Variants in RASGRF2 observed in about 807,000 individuals in gnomAD.
RASGRF2 encodes the protein ras-specific guanine nucleotide-releasing factor 2.
A neutral mutation model predicts 151.0 loss-of-function variants in RASGRF2; 76 were observed. The observed-to-expected ratio is 0.50, with a 90% CI of 0.42 to 0.61. RASGRF2 has a LOEUF of 0.61. RASGRF2 is among the 20% of genes least tolerant of loss of function. The pLI, the probability that RASGRF2 is intolerant of heterozygous loss-of-function variation, is 0.00. For missense variants in RASGRF2, 1,148 were observed against 1,564.6 expected, an observed-to-expected ratio of 0.73 and a Z score of 4.49; for synonymous variants, 504 against 566.5, an observed-to-expected ratio of 0.89 and a Z score of 1.57.
intron 1 of RASGRF2, among the ~76,000 whole-genome samples, chr5:81,020,710 G>A (rs1365026241): frequency 2.0e-5 from 3 of 152,202 alleles, no homozygotes; most frequent in African/African-American, 7.2e-5. Context: ...TCAGTGACAT[G>A]AGTCAGAAAG....
intron 2 of RASGRF2, among the ~76,000 whole-genome samples, chr5:81,047,877 A>C (rs186382399): frequency 6.7e-4 from 102 of 152,296 alleles, no homozygotes; most frequent in African/African-American, 2.1e-3. Flanking sequence ...TCTCCCTTAA[A>C]ATACACACAC....
At chr5:80,975,830 A>C (rs1458288137) in intron 1 of RASGRF2, among the ~76,000 whole-genome samples, 1 of 151,346 alleles carries the variant, frequency 6.6e-6, no homozygotes, top group Non-Finnish European at 1.5e-5. Flanking sequence ...TTAGTTGATG[A>C]ACATTTAATT....
rs142794012 is a variant in RASGRF2, at chr5:81,105,028, C to A, written c.1756-3968C>A. Among the ~76,000 whole-genome samples the A allele has an allele frequency of 7.5e-4, 114 of 152,258 alleles. 1 individual carries two copies. Among genetic ancestry groups the A allele is most frequent in the African/African-American group, 2.6e-3 (108 of 41,526 alleles). ...GGCAGATTGGTCTTGAGACCCCCTT[C>A]CTCTTGGTTCCCTCTTTCAAAAAGC... On this transcript the variant is annotated intron_variant, in intron 12 of 26. Transcript: ENST00000265080.
At chr5:81,025,404 G>C (rs1749984334) in intron 1 of RASGRF2, among the ~76,000 whole-genome samples, 1 of 152,206 alleles carries the variant, frequency 6.6e-6, no homozygotes, top group Admixed American at 6.5e-5. Context: ...CCTCACACTA[G>C]CTTGAGGCCG....
chr5:81,207,901 G>A (rs1246727367), intron 21 of RASGRF2, among the ~76,000 whole-genome samples: 2 of 152,236 alleles, frequency 1.3e-5, no homozygotes, highest in Non-Finnish European at 2.9e-5. Context: ...AGAATGGCAG[G>A]CAGCGCAGAG....
At chr5:81,105,443 G>A (rs1752820696) in intron 12 of RASGRF2, among the ~76,000 whole-genome samples, 1 of 152,156 alleles carries the variant, frequency 6.6e-6, no homozygotes, top group Non-Finnish European at 1.5e-5. Context: ...TAAACAGTGT[G>A]GTTGTCTCTG....
At chr5:80,985,411 C>T (rs17665414) in intron 1 of RASGRF2, among the ~76,000 whole-genome samples, 30,162 of 152,030 alleles carry the variant, frequency 0.2, 3,767 homozygotes, top group Middle Eastern at 0.4. Context: ...AATTGATATA[C>T]GATGTAGCTA....
intron 1 of RASGRF2, among the ~76,000 whole-genome samples, chr5:81,005,518 A>G (rs956205893): frequency 6.6e-6 from 1 of 152,140 alleles, no homozygotes; most frequent in Non-Finnish European, 1.5e-5. Flanking sequence ...GCACAGCCAA[A>G]CCATATCAGT....
chr5:81,181,235 A>G (rs922293963), intron 18 of RASGRF2, among the ~76,000 whole-genome samples: 4 of 152,268 alleles, frequency 2.6e-5, no homozygotes, highest in South Asian at 2.1e-4. Context: ...AGCCCATCAC[A>G]TGTCTGCTGC....
At chr5:81,207,629 T>C (rs966545208) in intron 21 of RASGRF2, among the ~76,000 whole-genome samples, 2 of 152,224 alleles carry the variant, frequency 1.3e-5, no homozygotes, top group African/African-American at 2.4e-5. Flanking sequence ...TACAAAATAA[T>C]TCCTGTATGC....
chr5:81,134,022 ATTT>A (rs1411507432), intron 17 of RASGRF2, among the ~76,000 whole-genome samples: 1 of 151,122 alleles, frequency 6.6e-6, no homozygotes, highest in African/African-American at 2.4e-5. Flanking sequence ...GGATTCAGGA[ATTT>A]TTTAAGTTCC....
chr5:81,080,660 G>C lies in RASGRF2; in HGVS notation c.1032G>C (p.Gln344His). ...NIYQEFVRNH[Q>H]YSLQVLANCK... ...ATCAAGAATTTGTGCGTAATCACCAGTACAGCCTGCAAGTTCTCGCCAATT... is the reference window on the plus strand; with the variant it reads ...ATCAAGAATTTGTGCGTAATCACCACTACAGCCTGCAAGTTCTCGCCAATT... The change falls in exon 7 of 27, where the codon CAG (glutamine) becomes CAC (histidine). Residue 344 changes from glutamine (Q) to histidine (H), a missense_variant. Around this residue, in one of 5 missense-constraint regions of RASGRF2, gnomAD observed 176 missense variants for 309.6 expected, o/e 0.57. Coordinates refer to ENST00000265080, the MANE Select transcript of RASGRF2 (RefSeq NM_006909.3). 6.2e-7 allele frequency: 1 copy of C among 1,614,116 alleles called. No homozygotes were observed. Among genetic ancestry groups the C allele is most frequent in the Non-Finnish European group, 8.5e-7 (1 of 1,179,972 alleles).
intron 17 of RASGRF2, among the ~76,000 whole-genome samples, chr5:81,179,515 T>G (rs1431189522): frequency 2.0e-5 from 3 of 152,206 alleles, no homozygotes; most frequent in Non-Finnish European, 4.4e-5. Flanking sequence ...AAATAATGAT[T>G]GTAGATATTA....
intron 1 of RASGRF2, among the ~76,000 whole-genome samples, chr5:81,030,911 C>T (rs1168574455): frequency 3.3e-5 from 5 of 152,096 alleles, no homozygotes; most frequent in South Asian, 4.1e-4. Context: ...ACCCATCTCA[C>T]GTGCAGAGAC....
chr5:81,018,212 G>A (rs993648607), intron 1 of RASGRF2, among the ~76,000 whole-genome samples: 2 of 152,198 alleles, frequency 1.3e-5, no homozygotes, highest in African/African-American at 4.8e-5. Context: ...AGCTGGGATA[G>A]GTAGAGAAAC....
chr5:81,036,531 C>A (rs78479866), intron 1 of RASGRF2, among the ~76,000 whole-genome samples: 1 of 152,214 alleles, frequency 6.6e-6, no homozygotes, highest in East Asian at 1.9e-4. Flanking sequence ...TTGCCACCCC[C>A]CACATCCAAT....
At chr5:81,187,620 C>G (rs1010354649) in intron 18 of RASGRF2, among the ~76,000 whole-genome samples, 1 of 152,216 alleles carries the variant, frequency 6.6e-6, no homozygotes, top group Non-Finnish European at 1.5e-5. Flanking sequence ...AGGAACCAAC[C>G]AATGAGCATC....
intron 17 of RASGRF2, among the ~76,000 whole-genome samples, chr5:81,129,221 C>T (rs2112576444): frequency 6.6e-6 from 1 of 152,296 alleles, no homozygotes; most frequent in African/African-American, 2.4e-5. Flanking sequence ...CTATGGGCTC[C>T]AATCGTCATG....
intron 18 of RASGRF2, among the ~76,000 whole-genome samples, chr5:81,182,212 C>A (rs1038478798): frequency 1.6e-4 from 24 of 152,190 alleles, no homozygotes; most frequent in Non-Finnish European, 1.5e-4. Flanking sequence ...ATGTAAATAG[C>A]TCAGGGATCC....
Sources: allele counts gnomAD v4.1 joint callset (sites outside exome capture counted in the v4.1 genomes callset), GRCh38; gene constraint gnomAD v4.1.1; regional missense constraint gnomAD v4.1.1; transcripts MANE v1.5; gene names NCBI Gene and HGNC (gene_info 2026-07-23, HGNC 2026-07-21).